The following CFAP54 variants were observed in gnomAD, a reference collection of about 807,000 sequenced individuals.
The protein encoded by CFAP54 is cilia- and flagella-associated protein 54.
Under a neutral mutation model 370.4 loss-of-function variants are expected in CFAP54, and 290 were observed. The ratio of observed to expected loss-of-function variants is 0.78; its 90% CI spans 0.71 to 0.86. The LOEUF is 0.86. Ranked by LOEUF, CFAP54 falls within the 40% of genes least tolerant of loss-of-function variation. The probability of loss-of-function intolerance (pLI) is 0.00; values close to 1 mark genes in which losing one functional copy is unlikely to be tolerated. For missense variants in CFAP54, 3,399 were observed against 3,528.7 expected, an observed-to-expected ratio of 0.96 and a Z score of 0.93; for synonymous variants, 1,206 against 1,236.5, an observed-to-expected ratio of 0.98 and a Z score of 0.52.
rs1187393935 is a variant in CFAP54 at position 96,623,816 on chromosome 12, T to C, written c.3821T>C (p.Leu1274Pro). Residue 1274 changes from leucine (L) to proline (P), a missense_variant, in exon 28 of 68, where the codon CTG becomes CCG. Leu to Pro is a moderately conservative substitution (Grantham distance 98). Around this residue, in one of 3 missense-constraint regions of CFAP54, gnomAD observed 2,796 missense variants for 2,869.7 expected, o/e 0.97. Coordinates refer to ENST00000524981, the MANE Select transcript of CFAP54 (RefSeq NM_001306084.2). ...LKTKKPQQIL[L>P]PEKINEQLAL... is the part of the protein sequence containing the mutation. ...ACTAAGAAGCCACAGCAGATACTAC[T>C]GCCTGAAAAGATAAATGAACAGCTG... The C allele has an allele frequency of 2.6e-6, 4 of 1,535,806 alleles. No homozygotes were observed. The Admixed American group carries it at 5.9e-5, about 23-fold the overall frequency.
At chr12:96,541,884 T>C (rs1487532290) in intron 14 of CFAP54, among the ~76,000 whole-genome samples, 3 of 152,116 alleles carry the variant, frequency 2.0e-5, no homozygotes, top group Non-Finnish European at 2.9e-5. Context: ...TTTGCTTTCA[T>C]TTCCTAGCAC....
rs183072414 is a variant in CFAP54 at position 96,851,785 on chromosome 12, A to G, written c.9172-9034A>G. On this transcript the variant is annotated intron_variant, in intron 66 of 67. Coordinates refer to ENST00000524981, the MANE Select transcript of CFAP54 (RefSeq NM_001306084.2). Reference sequence around the variant, plus strand: ...CTTTTCTATACTATTCATTTAAAAAACCTTCCTGTCTCCTGAATTGTAAAA... The same window carrying G: ...CTTTTCTATACTATTCATTTAAAAAGCCTTCCTGTCTCCTGAATTGTAAAA... Among the ~76,000 whole-genome samples the G allele has an allele frequency of 4.9e-3, 753 of 152,146 alleles. 4 individuals are homozygous for G. The highest frequency in any genetic ancestry group is 0.017 in the African/African-American group (710 of 41,562).
At chr12:96,526,494 A>G (rs1258954181) in intron 8 of CFAP54, among the ~76,000 whole-genome samples, 2 of 152,196 alleles carry the variant, frequency 1.3e-5, no homozygotes, top group African/African-American at 4.8e-5. Flanking sequence ...TGTGGTGCTT[A>G]TTAAAAGTGT....
intron 60 of CFAP54, among the ~76,000 whole-genome samples, chr12:96,776,010 T>C (rs1412235287): frequency 6.6e-6 from 1 of 152,158 alleles, no homozygotes; most frequent in Non-Finnish European, 1.5e-5. Flanking sequence ...AATGTATTGA[T>C]ATGTGGGGTA....
chr12:96,611,655 T>A (rs1093233), intron 26 of CFAP54, among the ~76,000 whole-genome samples: 35,196 of 151,990 alleles, frequency 0.23, 4,379 homozygotes, highest in East Asian at 0.48. Flanking sequence ...ATTAGACAAA[T>A]GGCTAACTAG....
intron 26 of CFAP54, among the ~76,000 whole-genome samples, chr12:96,601,542 C>T (rs776967358): frequency 2.0e-5 from 3 of 152,222 alleles, no homozygotes; most frequent in Non-Finnish European, 4.4e-5. Flanking sequence ...GCCAGCTCCT[C>T]CTTCTACCTC....
rs1592748793 is a variant in CFAP54, at chr12:96,764,316, A to G, written c.8139+67A>G. 3.4e-6 allele frequency: 4 copies of G among 1,178,086 alleles called. No homozygotes were observed. In the African/African-American group the frequency reaches 4.6e-5, roughly 14 times the overall value. The allele number at this position is 1,178,086 out of a possible 1,614,324, so 73.0% of individuals were successfully genotyped here. On this transcript the variant is annotated intron_variant, in intron 59 of 67. Transcript: ENST00000524981. ...TCTGTATTCTCTGCCTTTAAAGAACACAATATACCTGTAAAAGAGAAAGGA... is the reference window on the plus strand; with the variant it reads ...TCTGTATTCTCTGCCTTTAAAGAACGCAATATACCTGTAAAAGAGAAAGGA...
chr12:96,650,168 C>A, intron 35 of CFAP54, 96 bp downstream of exon 35: 1 of 1,118,732 alleles, frequency 8.9e-7, no homozygotes, highest in Non-Finnish European at 1.3e-6. Flanking sequence ...TCTTATTATA[C>A]ATAATTTTAG....
At chr12:96,546,658 G>A (rs1216249301) in intron 14 of CFAP54, among the ~76,000 whole-genome samples, 1 of 152,030 alleles carries the variant, frequency 6.6e-6, no homozygotes, top group Non-Finnish European at 1.5e-5. Context: ...GTGAAACCCT[G>A]CCTCTACTAA....
At chr12:96,695,585 A>G (rs1228684615) in intron 45 of CFAP54, among the ~76,000 whole-genome samples, 1 of 152,202 alleles carries the variant, frequency 6.6e-6, no homozygotes, top group Non-Finnish European at 1.5e-5. Flanking sequence ...TTTACAAAAG[A>G]TAATGTTCTC....
At chr12:96,706,735 C>G (rs1218573621) in intron 47 of CFAP54, among the ~76,000 whole-genome samples, 1 of 152,098 alleles carries the variant, frequency 6.6e-6, no homozygotes, top group Non-Finnish European at 1.5e-5. Context: ...TCAAATACAT[C>G]AGTCAACCAT....
chr12:96,810,692 G>C (rs1420602071), intron 63 of CFAP54, among the ~76,000 whole-genome samples: 1 of 152,146 alleles, frequency 6.6e-6, no homozygotes, highest in African/African-American at 2.4e-5. Flanking sequence ...GAAGTTATGG[G>C]AAGAAGAGCG....
At position 96,525,108 on chromosome 12, in the gene CFAP54, A is replaced by G. The variant is rs376376549; in HGVS notation, c.1159-2138A>G. ...TCCTATTTTCAGGGTGACAACTTGCAAGTACGAATTTTATCACAAGCTGTT... is the reference window on the plus strand; with the variant it reads ...TCCTATTTTCAGGGTGACAACTTGCGAGTACGAATTTTATCACAAGCTGTT... On this transcript the variant is annotated intron_variant, in intron 8 of 67. Transcript: ENST00000524981. Among the ~76,000 whole-genome samples, 6 of 152,190 alleles carry G rather than the reference A, an allele frequency of 3.9e-5. No homozygotes were observed. In the South Asian group the frequency reaches 8.3e-4, roughly 21 times the overall value.
At chr12:96,738,413 C>G (rs115096964) in intron 50 of CFAP54, among the ~76,000 whole-genome samples, 2 of 152,038 alleles carry the variant, frequency 1.3e-5, no homozygotes, top group Non-Finnish European at 2.9e-5. Context: ...CTTCTGAAAT[C>G]GAGGTGTCGA....
At chr12:96,546,288 A>AC (rs895848846) in intron 14 of CFAP54, among the ~76,000 whole-genome samples, 4 of 151,944 alleles carry the variant, frequency 2.6e-5, no homozygotes, top group Admixed American at 6.6e-5. Flanking sequence ...GTATGCAGGG[A>AC]CCCCCCACTC....
intron 7 of CFAP54, 24 bp downstream of exon 7, chr12:96,521,994 A>G: frequency 6.6e-7 from 1 of 1,523,946 alleles, no homozygotes; most frequent in Middle Eastern, 1.7e-4. Context: ...ATGAAATAAA[A>G]GAAATTTACC....
At chr12:96,684,882 G>T (rs1330400107) in intron 41 of CFAP54, 147 bp downstream of exon 41, 1 of 958,640 alleles carries the variant, frequency 1.0e-6, no homozygotes, top group Non-Finnish European at 1.6e-6. Flanking sequence ...AATGCTACCT[G>T]AGAGAAACCA....
intron 64 of CFAP54, among the ~76,000 whole-genome samples, chr12:96,812,252 T>A (rs1396157705): frequency 2.0e-5 from 3 of 152,178 alleles, no homozygotes; most frequent in Non-Finnish European, 4.4e-5. Flanking sequence ...AAAAAATAAT[T>A]TAATGTGGCT....
At chr12:96,634,983 G>A (rs936211720) in intron 32 of CFAP54, among the ~76,000 whole-genome samples, 5 of 151,958 alleles carry the variant, frequency 3.3e-5, no homozygotes, top group African/African-American at 1.2e-4. Flanking sequence ...CTTGATTACT[G>A]TTGTTATAGA....
Sources: gnomAD v4.1 joint callset for allele counts (sites outside exome capture counted in the v4.1 genomes callset) on GRCh38, gnomAD v4.1.1 for gene constraint, gnomAD v4.1.1 regional missense constraint, MANE v1.5 for transcripts, NCBI Gene and HGNC (gene_info 2026-07-23, HGNC 2026-07-21) for gene names.